The following DCC variants were observed in gnomAD, a reference collection of about 807,000 sequenced individuals.
DCC encodes DCC netrin 1 receptor.
DCC carries 58 observed loss-of-function variants against 172.5 expected under a neutral mutation model. The observed-to-expected ratio is 0.34, with a 90% CI of 0.27 to 0.42. The LOEUF (loss-of-function observed/expected upper bound fraction) is 0.42. DCC is among the 10% of genes least tolerant of loss of function. The pLI, the probability that DCC is intolerant of heterozygous loss-of-function variation, is 1.00. For missense variants in DCC, 1,740 were observed against 1,791.0 expected (o/e 0.97, Z 0.51); for synonymous variants, 709 against 644.5 (o/e 1.10, Z -1.52).
chr18:52,662,447 T>C (rs1251561065), intron 1 of DCC, among the ~76,000 whole-genome samples: 2 of 146,088 alleles, frequency 1.4e-5, no homozygotes, highest in African/African-American at 5.1e-5. Context: ...AGGGACATGA[T>C]GACATTTCAG....
intron 5 of DCC, among the ~76,000 whole-genome samples, chr18:53,050,589 A>G (rs1258393248): frequency 1.3e-5 from 2 of 152,138 alleles, no homozygotes; most frequent in East Asian, 1.9e-4. Context: ...TGTTGTTGGT[A>G]TATAGGAATA....
intron 21 of DCC, among the ~76,000 whole-genome samples, chr18:53,433,965 A>ATTTTTTTTTTTTTTTTTTTTTTTT (rs1327722031): frequency 1.3e-5 from 2 of 152,182 alleles, no homozygotes; most frequent in African/African-American, 4.8e-5. Context: ...TATCAAAAGA[A>ATTTTTTTTTTTTTTTTTTTTTTTT]TTTTTTAAAT....
intron 1 of DCC, among the ~76,000 whole-genome samples, chr18:52,546,932 C>T (rs529246063): frequency 3.7e-4 from 56 of 152,172 alleles, no homozygotes; most frequent in African/African-American, 1.3e-3. Context: ...TGTCAGAACA[C>T]GGGCAGCTAA....
chr18:52,622,617 G>A (rs1223262788), intron 1 of DCC, among the ~76,000 whole-genome samples: 1 of 151,178 alleles, frequency 6.6e-6, no homozygotes, highest in African/African-American at 2.4e-5. Flanking sequence ...CAAATATTTC[G>A]GTTCATTAGG....
At chr18:52,984,287 T>C (rs1030020831) in intron 5 of DCC, among the ~76,000 whole-genome samples, 4 of 152,130 alleles carry the variant, frequency 2.6e-5, no homozygotes, top group Admixed American at 1.3e-4. Flanking sequence ...TAGATAAATT[T>C]CATCCTTTGA....
intron 1 of DCC, among the ~76,000 whole-genome samples, chr18:52,353,858 T>C (rs1455087751): frequency 6.6e-6 from 1 of 152,158 alleles, no homozygotes; most frequent in African/African-American, 2.4e-5. Flanking sequence ...CTGGCCCTGG[T>C]AGTAAATGAG....
chr18:53,289,263 A>C (rs2144745395), intron 12 of DCC, among the ~76,000 whole-genome samples: 1 of 152,266 alleles, frequency 6.6e-6, no homozygotes, highest in East Asian at 1.9e-4. Flanking sequence ...GTAACTGAAA[A>C]CTATTTTGCA....
At chr18:52,558,734 A>C (rs2144735722) in intron 1 of DCC, among the ~76,000 whole-genome samples, 1 of 152,306 alleles carries the variant, frequency 6.6e-6, no homozygotes, top group South Asian at 2.1e-4. Context: ...CCCGAATTTT[A>C]AATGAAAAAT....
At chr18:52,846,608 A>ACACACACAC (rs2038894958) in intron 2 of DCC, among the ~76,000 whole-genome samples, 3 of 130,498 alleles carry the variant, frequency 2.3e-5, no homozygotes, top group Admixed American at 7.8e-5. Context: ...TGCCACTCCA[A>ACACACACAC]ACACACACAC....
chr18:53,491,604 C>T (rs2045960615), intron 26 of DCC, among the ~76,000 whole-genome samples: 1 of 151,972 alleles, frequency 6.6e-6, no homozygotes, highest in African/African-American at 2.4e-5. Flanking sequence ...GTTTTCTGTT[C>T]TTGTGTTAGT....
At chr18:52,765,338 C>G (rs2037229468) in intron 2 of DCC, among the ~76,000 whole-genome samples, 1 of 152,040 alleles carries the variant, frequency 6.6e-6, no homozygotes, top group Non-Finnish European at 1.5e-5. Flanking sequence ...AGCCACTGCA[C>G]CCAGACTCTA....
At chr18:53,170,184 G>T (rs142459656) in intron 8 of DCC, among the ~76,000 whole-genome samples, 1 of 152,274 alleles carries the variant, frequency 6.6e-6, no homozygotes, top group African/African-American at 2.4e-5. Context: ...AAGCCACGCA[G>T]CAGTTTGGCA....
intron 2 of DCC, among the ~76,000 whole-genome samples, chr18:52,760,165 A>G (rs949105684): frequency 2.0e-5 from 3 of 152,342 alleles, no homozygotes; most frequent in Middle Eastern, 6.8e-3. Flanking sequence ...GAGACTTGTA[A>G]TCATGGTGGA....
intron 1 of DCC, among the ~76,000 whole-genome samples, chr18:52,626,611 T>G (rs1369232209): frequency 1.3e-5 from 2 of 152,200 alleles, no homozygotes; most frequent in African/African-American, 4.8e-5. Context: ...CCCTATAGGA[T>G]CTGGCACTCA....
Position 53,029,647 on chromosome 18 carries a change from T to C in DCC, c.986-33658T>C, listed in dbSNP as rs1403570926. On this transcript the variant is annotated intron_variant, in intron 5 of 28. Coordinates refer to ENST00000442544, the MANE Select transcript of DCC (RefSeq NM_005215.4). ...TTTATCTTTGTATAGCTACACAAAC[T>C]CAGAGGTGCATCATATATCATATTG... Among the ~76,000 whole-genome samples the C allele has an allele frequency of 2.6e-5, 4 of 152,104 alleles. No individual in the cohort carries two copies. In the East Asian group the frequency reaches 7.7e-4, roughly 29 times the overall value.
At chr18:53,512,879 A>G (rs2046275469) in intron 27 of DCC, among the ~76,000 whole-genome samples, 2 of 152,168 alleles carry the variant, frequency 1.3e-5, no homozygotes, top group African/African-American at 4.8e-5. Flanking sequence ...CAAGTTGGGA[A>G]ACACTCTGCA....
chr18:52,527,386 TG>T (rs1246639423), intron 1 of DCC, among the ~76,000 whole-genome samples: 14 of 152,224 alleles, frequency 9.2e-5, no homozygotes, highest in African/African-American at 3.1e-4. Flanking sequence ...AATGCATAGC[TG>T]GTGATTCCAC....
At chr18:53,251,531 C>G (rs563608681) in intron 12 of DCC, among the ~76,000 whole-genome samples, 2 of 151,912 alleles carry the variant, frequency 1.3e-5, no homozygotes, top group Non-Finnish European at 2.9e-5. Flanking sequence ...GTAACTCAAA[C>G]CTCAGCTCAA....
At chr18:52,369,670 T>C (rs920438519) in intron 1 of DCC, among the ~76,000 whole-genome samples, 23 of 152,010 alleles carry the variant, frequency 1.5e-4, no homozygotes, top group African/African-American at 5.1e-4. Flanking sequence ...AGATATTATA[T>C]AAACCAAATC....
Sources: gnomAD v4.1 joint callset for allele counts (sites outside exome capture counted in the v4.1 genomes callset) on GRCh38, gnomAD v4.1.1 for gene constraint, MANE v1.5 for transcripts, NCBI Gene and HGNC (gene_info 2026-07-23, HGNC 2026-07-21) for gene names.